The following TNIK variants were observed in gnomAD, a reference collection of about 807,000 sequenced individuals.
TNIK encodes TRAF2 and NCK interacting kinase, also known as TRAF2 and NCK-interacting protein kinase.
In TNIK, 49 loss-of-function variants were observed where a neutral mutation model predicts 191.3. The observed-to-expected ratio is 0.26, with a 90% confidence interval of 0.20 to 0.32. The LOEUF is 0.32. TNIK is among the 10% of genes least tolerant of loss of function. TNIK has a pLI of 1.00. For synonymous variants in TNIK, 594 were observed against 600.9 expected, an observed-to-expected ratio of 0.99 and a Z score of 0.17; for missense variants, 1,155 against 1,702.3, an observed-to-expected ratio of 0.68 and a Z score of 5.66.
At chr3:171,347,099 GA>G in intron 2 of TNIK, 1 of 1,498,770 alleles carries the variant, frequency 6.7e-7, no homozygotes, top group East Asian at 2.5e-5. Context: ...GAGAAATCAG[GA>G]ACCATTTAGG....
chr3:171,127,528 CTCTGGT>C (rs1215380718), intron 16 of TNIK, among the ~76,000 whole-genome samples: 1 of 152,138 alleles, frequency 6.6e-6, no homozygotes, highest in African/African-American at 2.4e-5. Context: ...TACATTTTCA[CTCTGGT>C]TGTTCTCATC....
intron 2 of TNIK, among the ~76,000 whole-genome samples, chr3:171,360,128 C>T (rs191351293): frequency 7.9e-5 from 12 of 152,296 alleles, no homozygotes; most frequent in East Asian, 5.8e-4. Flanking sequence ...CCATCCCTAA[C>T]AGAAAATCTC....
At chr3:171,224,155 C>A (rs1219132616) in intron 3 of TNIK, among the ~76,000 whole-genome samples, 1 of 152,108 alleles carries the variant, frequency 6.6e-6, no homozygotes, top group Non-Finnish European at 1.5e-5. Context: ...GAAAGCAGAG[C>A]CCACAGATGG....
At chr3:171,088,288 G>A (rs1456679212) in intron 23 of TNIK, among the ~76,000 whole-genome samples, 2 of 149,866 alleles carry the variant, frequency 1.3e-5, no homozygotes, top group African/African-American at 4.9e-5. Flanking sequence ...AGGCTGGAGT[G>A]CAGTGGCGCG....
chr3:171,343,358 T>C (rs1711616761), intron 2 of TNIK, among the ~76,000 whole-genome samples: 1 of 152,050 alleles, frequency 6.6e-6, no homozygotes. Context: ...ACTAGAGAAA[T>C]CTCAATAAAG....
intron 3 of TNIK, among the ~76,000 whole-genome samples, chr3:171,211,970 G>A (rs990599479): frequency 6.6e-6 from 1 of 152,156 alleles, no homozygotes; most frequent in African/African-American, 2.4e-5. Context: ...CAGTGCTGGT[G>A]GAGATGGTGA....
chr3:171,375,442 A>T (rs1717079685), intron 1 of TNIK, among the ~76,000 whole-genome samples: 1 of 152,192 alleles, frequency 6.6e-6, no homozygotes, highest in Admixed American at 6.5e-5. Flanking sequence ...TATGGACAAA[A>T]TGTATGTCTC....
intron 2 of TNIK, among the ~76,000 whole-genome samples, chr3:171,273,307 GA>G (rs1271743993): frequency 1.3e-5 from 2 of 152,208 alleles, no homozygotes; most frequent in African/African-American, 4.8e-5. Flanking sequence ...TTGGGCCATG[GA>G]GGCCTTCCTG....
intron 30 of TNIK, among the ~76,000 whole-genome samples, chr3:171,068,632 TTTCTA>T (rs779187055): frequency 1.3e-5 from 2 of 152,200 alleles, no homozygotes; most frequent in Admixed American, 6.5e-5. Flanking sequence ...TGCCAAATGA[TTTCTA>T]TTATGTATTC....
At chr3:171,246,923 A>G (rs1200564171) in intron 2 of TNIK, among the ~76,000 whole-genome samples, 1 of 152,258 alleles carries the variant, frequency 6.6e-6, no homozygotes, top group East Asian at 1.9e-4. Context: ...ATTCAGTCCT[A>G]AAAGATCAGA....
chr3:171,183,788 G>A (rs539375442), intron 7 of TNIK, among the ~76,000 whole-genome samples: 1 of 152,002 alleles, frequency 6.6e-6, no homozygotes, highest in African/African-American at 2.4e-5. Context: ...GGGCGTGGTG[G>A]CGGGCGCCTG....
rs976133190 is a variant in TNIK at position 171,306,190 on chromosome 3, C to G, written c.123+63430G>C. On this transcript the variant is annotated intron_variant, in intron 2 of 32. Transcript: ENST00000436636. ...GAACACATAGATGGAAAGAGGGGAACAACACACATTAGGGCCTACTTGAGG... is the reference window on the plus strand; with the variant it reads ...GAACACATAGATGGAAAGAGGGGAAGAACACACATTAGGGCCTACTTGAGG... Among the ~76,000 whole-genome samples, 3 of 152,020 alleles carry G rather than the reference C, an allele frequency of 2.0e-5. No individual in the cohort carries two copies. In the South Asian group the frequency reaches 6.2e-4, roughly 32 times the overall value.
rs549769587 is a variant in TNIK at position 171,456,320 on chromosome 3, G to C, written c.57+3687C>G. On this transcript the variant is annotated intron_variant, in intron 1 of 32. Transcript: ENST00000436636. ...CAACTTTCATCTCTTTTAATACTGA[G>C]ATGTCTTGAAGCAAGAATGACTCAA... Among the ~76,000 whole-genome samples, 7 of 152,278 alleles carry C rather than the reference G, an allele frequency of 4.6e-5. No individual in the cohort carries two copies. The South Asian group carries it at 1.5e-3, about 32-fold the overall frequency.
intron 1 of TNIK, among the ~76,000 whole-genome samples, chr3:171,425,688 C>T (rs949738237): frequency 6.6e-6 from 1 of 151,978 alleles, no homozygotes. Flanking sequence ...GTTAGCCAGG[C>T]ATGGTGGCAG....
chr3:171,392,038 C>T (rs1453503928), intron 1 of TNIK, among the ~76,000 whole-genome samples: 1 of 151,882 alleles, frequency 6.6e-6, no homozygotes, highest in East Asian at 1.9e-4. Flanking sequence ...CCAGAAGTTC[C>T]CAAAACTCTA....
chr3:171,293,788 A>C (rs984669297), intron 2 of TNIK, among the ~76,000 whole-genome samples: 1 of 152,254 alleles, frequency 6.6e-6, no homozygotes, highest in East Asian at 1.9e-4. Context: ...TGATTTAAAG[A>C]AAAATAATAG....
chr3:171,121,553 ACAG>A (rs1196299317), intron 18 of TNIK, among the ~76,000 whole-genome samples: 2 of 152,252 alleles, frequency 1.3e-5, no homozygotes, highest in African/African-American at 4.8e-5. Flanking sequence ...AGCAAGAGGT[ACAG>A]CAGAACCATC....
chr3:171,181,165 A>G (rs1462759744), intron 7 of TNIK, among the ~76,000 whole-genome samples: 1 of 152,252 alleles, frequency 6.6e-6, no homozygotes, highest in African/African-American at 2.4e-5. Flanking sequence ...TAAGACAGGC[A>G]GATCCGAATT....
At chr3:171,343,651 C>A (rs941974810) in intron 2 of TNIK, among the ~76,000 whole-genome samples, 5 of 152,220 alleles carry the variant, frequency 3.3e-5, no homozygotes, top group African/African-American at 1.2e-4. Flanking sequence ...GAGACTAAGC[C>A]TGCTGCATGG....
Sources: allele counts gnomAD v4.1 joint callset (sites outside exome capture counted in the v4.1 genomes callset), GRCh38; gene constraint gnomAD v4.1.1; transcripts MANE v1.5; gene names NCBI Gene and HGNC (gene_info 2026-07-23, HGNC 2026-07-21).